KCNQ4: variants seen among roughly 807,000 people sequenced by gnomAD.
KCNQ4 encodes potassium voltage-gated channel subfamily Q member 4, also known as potassium voltage-gated channel subfamily KQT member 4.
A neutral mutation model predicts 72.6 loss-of-function variants in KCNQ4; 31 were observed. The observed-to-expected ratio is 0.43, with a 90% CI of 0.32 to 0.58. The LOEUF (loss-of-function observed/expected upper bound fraction) is 0.58, where lower values mean the gene tolerates loss of function less well. Among genes scored for constraint, KCNQ4 ranks in the 20% least tolerant of loss-of-function variants. The pLI is 0.08. For missense variants in KCNQ4, 869 were observed against 962.6 expected, an observed-to-expected ratio of 0.90 and a Z score of 1.29; for synonymous variants, 405 against 403.7, an observed-to-expected ratio of 1.00 and a Z score of -0.04.
At chr1:40,785,500 G>A (rs138475758) in intron 1 of KCNQ4, among the ~76,000 whole-genome samples, 5 of 152,316 alleles carry the variant, frequency 3.3e-5, no homozygotes, top group Non-Finnish European at 7.3e-5. Context: ...CTGTCTAGCA[G>A]CCCTCCTGCT....
chr1:40,811,732 G>A (rs1171523784), intron 1 of KCNQ4, among the ~76,000 whole-genome samples: 1 of 152,192 alleles, frequency 6.6e-6, no homozygotes, highest in Non-Finnish European at 1.5e-5. Flanking sequence ...ACACCCGCCT[G>A]TCTCATTCTG....
chr1:40,806,386 G>A (rs1647760469), intron 1 of KCNQ4, among the ~76,000 whole-genome samples: 1 of 152,194 alleles, frequency 6.6e-6, no homozygotes, highest in Non-Finnish European at 1.5e-5. Context: ...GGATGCCCCT[G>A]TGTCCTCTTT....
At chr1:40,816,935 C>T in intron 1 of KCNQ4, among the ~76,000 whole-genome samples, 1 of 152,242 alleles carries the variant, frequency 6.6e-6, no homozygotes, top group East Asian at 1.9e-4. Flanking sequence ...AAGGCCACCA[C>T]TTGTGGATGG....
chr1:40,803,630 G>T (rs995030665), intron 1 of KCNQ4, among the ~76,000 whole-genome samples: 25 of 152,110 alleles, frequency 1.6e-4, no homozygotes, highest in African/African-American at 5.6e-4. Context: ...TGTGGGTCAG[G>T]CCCAGAGAAG....
rs369086550 is a variant in KCNQ4 at position 40,838,771 on chromosome 1, G to T, written c.*248G>T. On this transcript the variant is annotated 3_prime_UTR_variant, in exon 14 of 14. Transcript: ENST00000347132. ...CAGCAGCGGCCGTCCCGCGGCCTCT[G>T]GGCCCCCCAGTGCCCTGCCCACTCC... is the stretch of plus-strand genomic sequence containing the variant. The T allele has an allele frequency of 6.9e-6, 4 of 582,670 alleles. No homozygotes were observed. The highest frequency in any genetic ancestry group is 5.8e-5 in the East Asian group (2 of 34,544). 36.1% of individuals were successfully genotyped at this position (582,670 alleles called of 1,614,324 possible).
chr1:40,822,209 G>A, intron 7 of KCNQ4, 105 bp from the exon 8 acceptor site: 1 of 962,776 alleles, frequency 1.0e-6, no homozygotes. Context: ...CTGGCTCTGG[G>A]TAACCCACAA....
At chr1:40,821,181 G>A (rs1316477996) in intron 7 of KCNQ4, among the ~76,000 whole-genome samples, 2 of 152,184 alleles carry the variant, frequency 1.3e-5, no homozygotes, top group East Asian at 1.9e-4. Context: ...AGGGGCAGGC[G>A]GCTGGCACTG....
chr1:40,818,023 G>T, intron 2 of KCNQ4, 141 bp from the exon 3 acceptor site: 1 of 1,107,500 alleles, frequency 9.0e-7, no homozygotes, highest in Non-Finnish European at 1.3e-6. Flanking sequence ...CTCCGGAATC[G>T]TCAAGTCCAG....
intron 1 of KCNQ4, among the ~76,000 whole-genome samples, chr1:40,802,401 C>A (rs995650204): frequency 2.6e-4 from 40 of 152,136 alleles, no homozygotes; most frequent in African/African-American, 9.7e-4. Flanking sequence ...AGTAGCCGGC[C>A]GGGCGGGGGA....
At position 40,788,381 on chromosome 1, in the gene KCNQ4, G is replaced by A. The variant is rs915755777; in HGVS notation, c.314+3974G>A. Among the ~76,000 whole-genome samples, 2 of 152,148 alleles carry A rather than the reference G, an allele frequency of 1.3e-5. No homozygotes were observed. The highest frequency in any genetic ancestry group is 1.9e-4 in the East Asian group (1 of 5,194). ...CCTGCTTCCTTGTCCAGGACTGTTC[G>A]CTCCGTTCCTAGTGGCCACCGGGCT... On this transcript the variant is annotated intron_variant, in intron 1 of 13. Coordinates refer to ENST00000347132, the MANE Select transcript of KCNQ4 (RefSeq NM_004700.4). The surrounding 1 kb of genome is among the most constrained non-coding windows in gnomAD (Gnocchi z 4.5).
intron 1 of KCNQ4, among the ~76,000 whole-genome samples, chr1:40,785,171 A>G (rs1403883602): frequency 6.6e-6 from 1 of 152,018 alleles, no homozygotes; most frequent in Admixed American, 6.5e-5. Context: ...GTTTGGAAAC[A>G]CTGACGCTGC....
intron 1 of KCNQ4, among the ~76,000 whole-genome samples, chr1:40,807,641 GC>G (rs545380864): frequency 1.3e-3 from 196 of 152,344 alleles, no homozygotes; most frequent in Non-Finnish European, 2.2e-3. Flanking sequence ...CCTCCAGGCT[GC>G]CCCCCTTGTC....
At chr1:40,829,730 G>A (rs1240261680) in intron 9 of KCNQ4, among the ~76,000 whole-genome samples, 1 of 152,166 alleles carries the variant, frequency 6.6e-6, no homozygotes, top group Admixed American at 6.5e-5. Flanking sequence ...AGGCTGGCTG[G>A]TACTCTCTTG....
In KCNQ4 at chr1:40,818,606, C is replaced by G. The variant is rs765957601; in HGVS notation, c.634C>G (p.Leu212Val). Residue 212 changes from leucine to valine, a missense_variant, in exon 4 of 14, where the codon CTG becomes GTG. Physicochemically the swap from Leu to Val is conservative, Grantham distance 32. Transcript: ENST00000347132. ...GCGCAGCATGCGCTTCCTGCAGATC[C>G]TGCGCATGGTGCGCATGGACCGCCG... is the stretch of plus-strand genomic sequence containing the variant. Reference protein sequence around the residue: ...ALRSMRFLQILRMVRMDRRGG... With the variant: ...ALRSMRFLQIVRMVRMDRRGG... 3 of 1,606,896 alleles carry G rather than the reference C, an allele frequency of 1.9e-6. No individual in the cohort carries two copies. The highest frequency in any genetic ancestry group is 4.5e-5 in the East Asian group (2 of 44,858).
chr1:40,809,503 A>G (rs1647861781), intron 1 of KCNQ4, among the ~76,000 whole-genome samples: 3 of 151,966 alleles, frequency 2.0e-5, no homozygotes, highest in Admixed American at 6.6e-5. Context: ...CATCCATCCA[A>G]TGCCCAAACC....
chr1:40,788,727 C>T lies in KCNQ4; in HGVS notation c.314+4320C>T, dbSNP rs924633292. 6.6e-6 allele frequency among the ~76,000 whole-genome samples: 1 copy of T among 152,236 alleles called. No homozygotes were observed. The highest frequency in any genetic ancestry group is 1.5e-5 in the Non-Finnish European group (1 of 68,052). On this transcript the variant is annotated intron_variant, in intron 1 of 13. Transcript: ENST00000347132. This position sits in a 1 kb window ranked among gnomAD's most constrained non-coding sequence, Gnocchi z 4.5. ...TGTGTCATCTGTCCGTCCATCCCAG[C>T]ACCCCGCACACAGTCAGCAGGGGGT...
At chr1:40,792,202 G>A (rs1239431325) in intron 1 of KCNQ4, among the ~76,000 whole-genome samples, 1 of 152,278 alleles carries the variant, frequency 6.6e-6, no homozygotes, top group East Asian at 1.9e-4. Flanking sequence ...GCTGTCCCCT[G>A]GGAGGGGAGG....
intron 1 of KCNQ4, among the ~76,000 whole-genome samples, chr1:40,793,215 G>A (rs1398461033): frequency 6.6e-6 from 1 of 151,304 alleles, no homozygotes; most frequent in Non-Finnish European, 1.5e-5. Context: ...TGTTGTCCAG[G>A]CTGATCTCCA....
chr1:40,820,579 G>C (rs1005447416), intron 7 of KCNQ4, among the ~76,000 whole-genome samples: 2 of 152,230 alleles, frequency 1.3e-5, no homozygotes, highest in African/African-American at 4.8e-5. Flanking sequence ...CTCTGGTGGA[G>C]ACCCACTGCT....
Sources: gnomAD v4.1 joint callset for allele counts (sites outside exome capture counted in the v4.1 genomes callset) on GRCh38, gnomAD v4.1.1 for gene constraint, Gnocchi (gnomAD v3.1) non-coding constraint, MANE v1.5 for transcripts, NCBI Gene and HGNC (gene_info 2026-07-23, HGNC 2026-07-21) for gene names.